The following INO80 variants were observed in gnomAD, a reference collection of about 807,000 sequenced individuals.
The protein encoded by INO80 is INO80 complex ATPase subunit, also known as chromatin-remodeling ATPase INO80.
Under a neutral mutation model 203.4 loss-of-function variants are expected in INO80, and 20 were observed. The ratio of observed to expected loss-of-function variants is 0.10; its 90% CI spans 0.07 to 0.14. The LOEUF is 0.14. INO80 is among the 10% of genes least tolerant of loss of function. INO80 has a pLI of 1.00. For missense variants in INO80, 1,419 were observed against 1,914.4 expected, an observed-to-expected ratio of 0.74 and a Z score of 4.83; for synonymous variants, 726 against 685.2, an observed-to-expected ratio of 1.06 and a Z score of -0.93.
intron 1 of INO80, among the ~76,000 whole-genome samples, chr15:41,098,015 G>A (rs184736657): frequency 7.2e-5 from 11 of 152,062 alleles, no homozygotes; most frequent in African/African-American, 1.9e-4. Context: ...TATTTGTGGC[G>A]GTTTTTTTGT....
At chr15:41,026,316 GC>G (rs1198663029) in intron 25 of INO80, among the ~76,000 whole-genome samples, 2 of 152,122 alleles carry the variant, frequency 1.3e-5, no homozygotes, top group African/African-American at 2.4e-5. Flanking sequence ...ACTTTGGGAG[GC>G]CAAGACAGGT....
rs957580447 is a variant in INO80 at position 40,979,407 on chromosome 15, A to G, written c.*816T>C. 3.3e-5 allele frequency: 5 copies of G among 152,970 alleles called. No individual in the cohort carries two copies. Among genetic ancestry groups the G allele is most frequent in the African/African-American group, 7.2e-5 (3 of 41,436 alleles). The allele number at this position is 152,970 out of a possible 1,614,324, so 9.5% of individuals were successfully genotyped here. On this transcript the variant is annotated 3_prime_UTR_variant, in exon 36 of 36. Coordinates refer to ENST00000648947, the MANE Select transcript of INO80 (RefSeq NM_017553.3). ...GCAATATAGACAGTGCATACAGCCA[A>G]GCAGGGGACTGAAGGGCATGAGCAG...
chr15:41,049,265 A>T (rs777737678), intron 21 of INO80, 22 bp downstream of exon 21: 2 of 1,597,430 alleles, frequency 1.3e-6, no homozygotes, highest in Middle Eastern at 3.3e-4. Context: ...CTAATAGTGA[A>T]CAGATAGTAA....
At chr15:41,011,256 CAA>C (rs1047975659) in intron 27 of INO80, among the ~76,000 whole-genome samples, 25 of 152,308 alleles carry the variant, frequency 1.6e-4, no homozygotes, top group Non-Finnish European at 1.3e-4. Context: ...ATGCTTTCCT[CAA>C]GAGTGACTCA....
chr15:41,054,071 GA>G lies in INO80; in HGVS notation c.2189-58del, dbSNP rs1212213446. The G allele has an allele frequency of 1.0e-5, 14 of 1,356,700 alleles. No individual in the cohort carries two copies. In the East Asian group the frequency reaches 2.3e-4, roughly 22 times the overall value. The allele number at this position is 1,356,700 out of a possible 1,614,324, so 84.0% of individuals were successfully genotyped here. ...TTATAGTGATTTCACAAAAACAACA[GA>G]AACAAATACCACATTCACCTCTCAC... On this transcript the variant is annotated intron_variant, in intron 18 of 35. Coordinates refer to ENST00000648947, the MANE Select transcript of INO80 (RefSeq NM_017553.3).
chr15:41,025,062 A>G (rs2044355296), intron 25 of INO80, among the ~76,000 whole-genome samples: 1 of 152,240 alleles, frequency 6.6e-6, no homozygotes, highest in South Asian at 2.1e-4. Flanking sequence ...AAGAAACTCT[A>G]CAAACATGGG....
At chr15:41,032,763 G>C (rs1222235085) in intron 24 of INO80, among the ~76,000 whole-genome samples, 1 of 152,140 alleles carries the variant, frequency 6.6e-6, no homozygotes, top group Admixed American at 6.6e-5. Flanking sequence ...GTTCAGGCCA[G>C]GCGTGGTAGC....
chr15:41,029,628 T>C (rs1394168844), intron 24 of INO80, among the ~76,000 whole-genome samples: 2 of 152,246 alleles, frequency 1.3e-5, no homozygotes, highest in East Asian at 1.9e-4. Flanking sequence ...AGCTTTTCAA[T>C]AACATCTGTG....
At chr15:41,073,826 G>A (rs117855946) in intron 10 of INO80, among the ~76,000 whole-genome samples, 1,904 of 152,176 alleles carry the variant, frequency 0.013, 26 homozygotes, top group Non-Finnish European at 0.018. Flanking sequence ...TTTATGATAG[G>A]TGAAACTATT....
intron 7 of INO80, among the ~76,000 whole-genome samples, chr15:41,083,425 G>C (rs375817656): frequency 6.6e-6 from 1 of 152,192 alleles, no homozygotes; most frequent in South Asian, 2.1e-4. Flanking sequence ...ATTAAAACAG[G>C]TTGGGCATGG....
chr15:40,983,159 G>A, intron 34 of INO80, 82 bp from the exon 35 acceptor site: 7 of 1,158,526 alleles, frequency 6.0e-6, no homozygotes, highest in Non-Finnish European at 8.6e-6. Context: ...TCTCCTGACA[G>A]GGAAAGCGAG....
intron 32 of INO80, 94 bp downstream of exon 32, chr15:40,985,244 A>G (rs761931990): frequency 1.5e-5 from 13 of 843,182 alleles, no homozygotes; most frequent in Non-Finnish European, 2.4e-5. Flanking sequence ...GATAGCAACC[A>G]GTAACCAAGA....
chr15:41,074,824 G>A (rs763076816), intron 9 of INO80, among the ~76,000 whole-genome samples: 3 of 151,998 alleles, frequency 2.0e-5, no homozygotes, highest in Non-Finnish European at 2.9e-5. Context: ...GGCTCACTGC[G>A]ACCTCCGCCT....
rs141707556 is a variant in INO80, at chr15:40,983,044, C to G, written c.4271G>C (p.Arg1424Pro). 2.9e-4 allele frequency: 473 copies of G among 1,613,692 alleles called. No homozygotes were observed. Among genetic ancestry groups the G allele is most frequent in the Non-Finnish European group, 3.7e-4 (434 of 1,179,980 alleles). The change falls in exon 35 of 36, where the codon CGT (arginine) becomes CCT (proline). Residue 1424 changes from arginine (R) to proline (P), a missense_variant. Transcript: ENST00000648947. ...GCCTCGGCTTCGGGCTGAGTGACCACGTCCTGCAGCTGGCATTTCCTGAAT... is the reference window on the plus strand; with the variant it reads ...GCCTCGGCTTCGGGCTGAGTGACCAGGTCCTGCAGCTGGCATTTCCTGAAT... ...ISIQEMPAAG[R>P]GHSARSRGRP... is the part of the protein sequence containing the mutation.
intron 18 of INO80, 101 bp downstream of exon 18, chr15:41,055,146 T>G (rs533923827): frequency 2.3e-5 from 15 of 646,980 alleles, no homozygotes; most frequent in African/African-American, 1.3e-4. Flanking sequence ...GATTTGTCTA[T>G]GTATACTGGA....
At chr15:41,064,811 A>G (rs769147637) in intron 14 of INO80, among the ~76,000 whole-genome samples, 1 of 152,150 alleles carries the variant, frequency 6.6e-6, no homozygotes, top group Non-Finnish European at 1.5e-5. Flanking sequence ...AGCCTGGCCA[A>G]CGTGGGGAAA....
At position 41,036,499 on chromosome 15, in the gene INO80, T is replaced by C. The variant is rs531102668; in HGVS notation, c.2907+8405A>G. Among the ~76,000 whole-genome samples the C allele has an allele frequency of 5.3e-5, 8 of 152,062 alleles. No homozygotes were observed. In the South Asian group the frequency reaches 6.2e-4, roughly 12 times the overall value. ...AAACAGATTACCTATCCTGCCCACT[T>C]TCCCTAAACCCCTAGAAGTTAGTGC... On this transcript the variant is annotated intron_variant, in intron 24 of 35. Transcript: ENST00000648947.
At chr15:41,070,398 T>C (rs886754731) in intron 13 of INO80, 69 bp downstream of exon 13, 1 of 1,356,556 alleles carries the variant, frequency 7.4e-7, no homozygotes, top group African/African-American at 1.4e-5. Flanking sequence ...TGCTTTTAAG[T>C]GGCTGATTTT....
At chr15:41,032,169 G>A (rs1357781261) in intron 24 of INO80, among the ~76,000 whole-genome samples, 1 of 152,040 alleles carries the variant, frequency 6.6e-6, no homozygotes, top group Non-Finnish European at 1.5e-5. Context: ...TTTAATAAGA[G>A]GTCATGCTTT....
Sources: allele counts gnomAD v4.1 joint callset (sites outside exome capture counted in the v4.1 genomes callset), GRCh38; gene constraint gnomAD v4.1.1; transcripts MANE v1.5; gene names NCBI Gene and HGNC (gene_info 2026-07-23, HGNC 2026-07-21).